Variants in GLT8D2 observed in about 807,000 individuals in gnomAD.
The protein encoded by GLT8D2 is glycosyltransferase 8 domain-containing protein 2.
GLT8D2 carries 45 observed loss-of-function variants against 44.5 expected under a neutral mutation model. The observed-to-expected ratio is 1.01, with a 90% CI of 0.80 to 1.30. The LOEUF (loss-of-function observed/expected upper bound fraction) is 1.30, where lower values mean the gene tolerates loss of function less well. Ranked by LOEUF, GLT8D2 falls within the 50% of genes most tolerant of loss-of-function variation. GLT8D2 has a pLI of 0.00. For missense variants in GLT8D2, 400 were observed against 430.4 expected, an observed-to-expected ratio of 0.93 and a Z score of 0.62; for synonymous variants, 156 against 157.2, an observed-to-expected ratio of 0.99 and a Z score of 0.06.
chr12:104,003,100 AC>A, intron 5 of GLT8D2, 34 bp downstream of exon 5: 2 of 1,575,640 alleles, frequency 1.3e-6, no homozygotes, highest in Non-Finnish European at 1.7e-6. Context: ...GGGGAAGGAA[AC>A]AGAAAGTGCC....
chr12:104,016,734 A>G (rs538348435), intron 3 of GLT8D2, among the ~76,000 whole-genome samples: 1,278 of 89,680 alleles, frequency 0.014, 42 homozygotes, highest in South Asian at 0.037. Flanking sequence ...AAAGAAAGAA[A>G]GAAAGAAAGA....
At chr12:104,047,080 T>C (rs1356583627) in intron 1 of GLT8D2, among the ~76,000 whole-genome samples, 5 of 152,126 alleles carry the variant, frequency 3.3e-5, no homozygotes, top group African/African-American at 9.7e-5. Context: ...CCTCCCACCT[T>C]ACCCTCCCAA....
At chr12:103,992,138 A>T (rs1378064662) in intron 10 of GLT8D2, among the ~76,000 whole-genome samples, 2 of 152,294 alleles carry the variant, frequency 1.3e-5, no homozygotes, top group African/African-American at 4.8e-5. Flanking sequence ...TGGATCAGGG[A>T]TTGTGGCCAT....
chr12:104,007,265 T>TCTCTCTCCC, intron 4 of GLT8D2, among the ~76,000 whole-genome samples: 1 of 136,386 alleles, frequency 7.3e-6, no homozygotes, highest in Non-Finnish European at 1.6e-5. Flanking sequence ...TCTCTCTCTC[T>TCTCTCTCCC]CCCCCCGCTC....
At chr12:104,063,859 C>G (rs1450042301) in intron 1 of GLT8D2, 1 of 152,328 alleles carries the variant, frequency 6.6e-6, no homozygotes, top group Non-Finnish European at 1.5e-5. Context: ...GCATGCCAGG[C>G]TGTGGACAGC....
intron 5 of GLT8D2, among the ~76,000 whole-genome samples, chr12:104,001,399 G>A (rs1296046769): frequency 6.6e-6 from 1 of 152,202 alleles, no homozygotes; most frequent in Non-Finnish European, 1.5e-5. Context: ...TCCTGGAAGA[G>A]GAAAAGGCAT....
chr12:104,027,742 T>C (rs1195633703), intron 1 of GLT8D2, among the ~76,000 whole-genome samples: 1 of 152,342 alleles, frequency 6.6e-6, no homozygotes, highest in South Asian at 2.1e-4. Flanking sequence ...AATGAGGACA[T>C]TGTGGCTCGG....
At chr12:104,021,082 T>G (rs780889917) in intron 2 of GLT8D2, among the ~76,000 whole-genome samples, 8 of 152,346 alleles carry the variant, frequency 5.3e-5, no homozygotes, top group Admixed American at 1.3e-4. Flanking sequence ...GAGCTCAAAG[T>G]ATCTTTCATG....
At chr12:104,012,792 A>G (rs1876049511) in intron 4 of GLT8D2, 1 of 698,214 alleles carries the variant, frequency 1.4e-6, no homozygotes, top group Admixed American at 2.0e-5. Flanking sequence ...AAATGAAGCC[A>G]TTTGGTAGGC....
intron 1 of GLT8D2, among the ~76,000 whole-genome samples, chr12:104,047,136 G>C (rs1279291262): frequency 6.6e-6 from 1 of 151,960 alleles, no homozygotes; most frequent in African/African-American, 2.4e-5. Flanking sequence ...CCTGAACTGG[G>C]TGGCTTCTAA....
intron 5 of GLT8D2, among the ~76,000 whole-genome samples, chr12:104,000,825 A>G (rs1238197780): frequency 6.6e-6 from 1 of 152,232 alleles, no homozygotes; most frequent in Non-Finnish European, 1.5e-5. Flanking sequence ...TACACAAGAC[A>G]TCAAAACCCA....
rs546145000 is a variant in GLT8D2 at position 104,019,896 on chromosome 12, A to G, written c.-28-220T>C. On this transcript the variant is annotated intron_variant, in intron 2 of 10. Transcript: ENST00000360814. Reference sequence around the variant, plus strand: ...AACAAACCTTACTAAGGGTCCTCAAAAGCTAATCTTTTGTCTTCAGAAGTT... The same window carrying G: ...AACAAACCTTACTAAGGGTCCTCAAGAGCTAATCTTTTGTCTTCAGAAGTT... 6.6e-5 allele frequency among the ~76,000 whole-genome samples: 10 copies of G among 152,124 alleles called. No individual in the cohort carries two copies. In the South Asian group the frequency reaches 2.1e-3, roughly 32 times the overall value.
chr12:104,022,385 T>C (rs376655216), intron 1 of GLT8D2, among the ~76,000 whole-genome samples: 9 of 152,310 alleles, frequency 5.9e-5, no homozygotes, highest in African/African-American at 2.2e-4. Flanking sequence ...CGATGAGATA[T>C]GCCTGTTTCA....
chr12:104,024,296 T>C (rs1358747352), intron 1 of GLT8D2, among the ~76,000 whole-genome samples: 2 of 152,036 alleles, frequency 1.3e-5, no homozygotes, highest in African/African-American at 4.8e-5. Context: ...TAGCCAGACA[T>C]GGTGGTGGGC....
At chr12:104,025,831 C>A (rs2136405861) in intron 1 of GLT8D2, among the ~76,000 whole-genome samples, 1 of 152,124 alleles carries the variant, frequency 6.6e-6, no homozygotes, top group Middle Eastern at 3.4e-3. Context: ...TCAAATCTGG[C>A]AAGGAGTTTG....
In GLT8D2 at chr12:104,050,146, G is replaced by A. The variant is rs969289204; in HGVS notation, c.-415C>T. 10 of 152,304 alleles carry A rather than the reference G, an allele frequency of 6.6e-5. No individual in the cohort carries two copies. Among genetic ancestry groups the A allele is most frequent in the African/African-American group, 2.2e-4 (9 of 41,478 alleles). The allele number at this position is 152,304 out of a possible 1,614,324, so 9.4% of individuals were successfully genotyped here. A position where few individuals can be genotyped will look rare whatever the true frequency, so the allele number is the denominator to read the frequency against. On this transcript the variant is annotated 5_prime_UTR_variant, in exon 1 of 11. Transcript: ENST00000360814. ...AACGTCTCGGGTTTCTTCCACCTCT[G>A]CGCGAAGCCGCTGGGAACCCAGGAG...
In GLT8D2 at chr12:104,014,284, G is replaced by T; in HGVS notation, c.112+729C>A. 3 of 700,708 alleles carry T rather than the reference G, an allele frequency of 4.3e-6. No homozygotes were observed. In the South Asian group the frequency reaches 4.4e-5, roughly 10 times the overall value. 43.4% of individuals were successfully genotyped at this position (700,708 alleles called of 1,614,324 possible). Reference sequence around the variant, plus strand: ...GCCGGAGGATTGCTTGAGCCCTGGAGGTCGAGGCTGCAGGGAGCTGCTATT... The same window carrying T: ...GCCGGAGGATTGCTTGAGCCCTGGATGTCGAGGCTGCAGGGAGCTGCTATT... On this transcript the variant is annotated intron_variant, in intron 4 of 10. Coordinates refer to ENST00000360814, the MANE Select transcript of GLT8D2 (RefSeq NM_001384711.1).
chr12:104,016,806 G>A (rs71440856), intron 3 of GLT8D2, among the ~76,000 whole-genome samples: 3,465 of 84,074 alleles, frequency 0.041, 65 homozygotes, highest in Middle Eastern at 0.062. Context: ...AAGGAAGGAA[G>A]GAAAGAAAGA....
chr12:104,030,282 G>A (rs1879090738), intron 1 of GLT8D2, among the ~76,000 whole-genome samples: 1 of 151,906 alleles, frequency 6.6e-6, no homozygotes, highest in African/African-American at 2.4e-5. Context: ...AAGTGGTGCT[G>A]GGAAAACTGG....
Sources: gnomAD v4.1 joint callset for allele counts (sites outside exome capture counted in the v4.1 genomes callset) on GRCh38, gnomAD v4.1.1 for gene constraint, MANE v1.5 for transcripts, NCBI Gene and HGNC (gene_info 2026-07-23, HGNC 2026-07-21) for gene names.